Variants in PPARGC1B observed in about 807,000 individuals in gnomAD.
PPARGC1B encodes peroxisome proliferator-activated receptor gamma coactivator 1-beta.
PPARGC1B carries 34 observed loss-of-function variants against 101.6 expected under a neutral mutation model. That is an observed-to-expected ratio of 0.33 (90% CI 0.25 to 0.45). The LOEUF is 0.45. Ranked by LOEUF, PPARGC1B falls within the 20% of genes least tolerant of loss-of-function variation. The pLI, the probability that PPARGC1B is intolerant of heterozygous loss-of-function variation, is 1.00. For synonymous variants in PPARGC1B, 548 were observed against 539.3 expected, an observed-to-expected ratio of 1.02 and a Z score of -0.22; for missense variants, 1,234 against 1,317.6, an observed-to-expected ratio of 0.94 and a Z score of 0.98.
chr5:149,805,651 G>C (rs1289669704), intron 1 of PPARGC1B, among the ~76,000 whole-genome samples: 2 of 152,192 alleles, frequency 1.3e-5, no homozygotes, highest in Middle Eastern at 6.3e-3. Flanking sequence ...TGTTGGCCAG[G>C]CTGGTCTCGA....
At chr5:149,835,480 C>A in intron 7 of PPARGC1B, 115 bp downstream of exon 7, 1 of 893,060 alleles carries the variant, frequency 1.1e-6, no homozygotes, top group Non-Finnish European at 1.8e-6. Context: ...AAGATGCCTG[C>A]CTTCACGGGG....
chr5:149,738,588 C>A (rs951911562), intron 1 of PPARGC1B, among the ~76,000 whole-genome samples: 2 of 151,716 alleles, frequency 1.3e-5, no homozygotes, highest in African/African-American at 4.8e-5. Flanking sequence ...CTCTTGAAAG[C>A]CTGCCCTCTC....
rs112490213 is a variant in PPARGC1B at position 149,806,442 on chromosome 5, A to C, written c.79-13991A>C. 2.8e-3 allele frequency among the ~76,000 whole-genome samples: 426 copies of C among 152,264 alleles called. 2 individuals are homozygous for C. Among genetic ancestry groups the C allele is most frequent in the African/African-American group, 9.7e-3 (404 of 41,544 alleles). ...TGGGTTATTTATAACAGTGTTTACA[A>C]GAAAAAGGGCTTCTCAGCTGAGCCC... On this transcript the variant is annotated intron_variant, in intron 1 of 11. Coordinates refer to ENST00000309241, the MANE Select transcript of PPARGC1B (RefSeq NM_133263.4).
chr5:149,784,589 G>A (rs1416817067), intron 1 of PPARGC1B, among the ~76,000 whole-genome samples: 21 of 101,268 alleles, frequency 2.1e-4, no homozygotes, highest in Non-Finnish European at 3.8e-4. Context: ...TTTTTCTGAG[G>A]TGGAGTCTCG....
Position 149,832,990 on chromosome 5 carries a change from C to T in PPARGC1B, c.917C>T (p.Pro306Leu). 1 of 1,613,580 alleles carries T rather than the reference C, an allele frequency of 6.2e-7. No individual in the cohort carries two copies. Among genetic ancestry groups the T allele is most frequent in the Non-Finnish European group, 8.5e-7 (1 of 1,180,028 alleles). Residue 306 changes from proline (P) to leucine (L), a missense_variant, in exon 5 of 12, where the codon CCA becomes CTA. This residue lies in a region of PPARGC1B where 734 missense variants were observed against 768.4 expected (regional missense o/e 0.96). Coordinates refer to ENST00000309241, the MANE Select transcript of PPARGC1B (RefSeq NM_133263.4). This position sits in a 1 kb window ranked among gnomAD's most constrained non-coding sequence, Gnocchi z 4.9. Reference sequence around the variant, plus strand: ...TGCCTCCCCCAGAGGAAGCTGCCCCCACAGACCCCTGAGCCACTCCCCAAG... The same window carrying T: ...TGCCTCCCCCAGAGGAAGCTGCCCCTACAGACCCCTGAGCCACTCCCCAAG... ...TYCLPQRKLP[P>L]QTPEPLPKAC...
At chr5:149,821,090 G>A (rs1228022483) in intron 2 of PPARGC1B, among the ~76,000 whole-genome samples, 1 of 152,198 alleles carries the variant, frequency 6.6e-6, no homozygotes, top group African/African-American at 2.4e-5. Flanking sequence ...GGGACTTTAC[G>A]ACCATGATGA....
intron 1 of PPARGC1B, among the ~76,000 whole-genome samples, chr5:149,810,082 C>T (rs1391918275): frequency 6.6e-6 from 1 of 152,176 alleles, no homozygotes; most frequent in African/African-American, 2.4e-5. Flanking sequence ...CTGTAACTAG[C>T]AAGTTATGAG....
In PPARGC1B at chr5:149,820,531, G is replaced by C. The variant is rs916823612; in HGVS notation, c.177G>C (p.Gly59=). ...ASDFDSATCF[G]ELQWCPENSE... ...ACTTTGACTCGGCCACCTGCTTTGGGGAGCTGCAGTGGTGCCCAGAGAACT... is the reference window on the plus strand; with the variant it reads ...ACTTTGACTCGGCCACCTGCTTTGGCGAGCTGCAGTGGTGCCCAGAGAACT... Residue 59 remains glycine, a synonymous_variant, in exon 2 of 12, where the codon GGG becomes GGC. Coordinates refer to ENST00000309241, the MANE Select transcript of PPARGC1B (RefSeq NM_133263.4). 6.2e-7 allele frequency: 1 copy of C among 1,613,888 alleles called. No individual in the cohort carries two copies. The highest frequency in any genetic ancestry group is 1.3e-5 in the African/African-American group (1 of 74,890).
At chr5:149,742,735 T>C (rs919591128) in intron 1 of PPARGC1B, among the ~76,000 whole-genome samples, 1 of 152,180 alleles carries the variant, frequency 6.6e-6, no homozygotes, top group Non-Finnish European at 1.5e-5. Context: ...AGAATTTCAG[T>C]GACTTCCCCA....
chr5:149,731,978 G>A (rs1051502801), intron 1 of PPARGC1B, among the ~76,000 whole-genome samples: 2 of 152,170 alleles, frequency 1.3e-5, no homozygotes, highest in African/African-American at 2.4e-5. Context: ...AGGCCGGAGG[G>A]GCTAGTGGCG....
chr5:149,826,980 C>T (rs1017428305), intron 3 of PPARGC1B, 95 bp downstream of exon 3: 3 of 953,242 alleles, frequency 3.1e-6, no homozygotes, highest in Non-Finnish European at 4.8e-6. Context: ...TCCAGCCCCG[C>T]AGGGGACTCC....
intron 1 of PPARGC1B, among the ~76,000 whole-genome samples, chr5:149,737,441 T>C (rs1124995): frequency 0.81 from 123,532 of 152,088 alleles, 50,310 homozygotes; most frequent in South Asian, 0.9. Flanking sequence ...TTTCTGTGTC[T>C]TCCTTCTCCA....
chr5:149,823,933 C>T (rs1330627635), intron 2 of PPARGC1B, among the ~76,000 whole-genome samples: 2 of 152,154 alleles, frequency 1.3e-5, no homozygotes, highest in Middle Eastern at 3.2e-3. Context: ...TTAGTCCTAC[C>T]CCTGACTCAC....
intron 1 of PPARGC1B, among the ~76,000 whole-genome samples, chr5:149,795,323 A>G (rs546335829): frequency 6.6e-6 from 1 of 152,302 alleles, no homozygotes; most frequent in South Asian, 2.1e-4. Context: ...TCACCTGTAA[A>G]ATGGAGATAA....
intron 1 of PPARGC1B, among the ~76,000 whole-genome samples, chr5:149,780,123 C>T (rs181508440): frequency 1.5e-3 from 227 of 152,302 alleles, no homozygotes; most frequent in Non-Finnish European, 2.6e-3. Context: ...CCTGTTTCTG[C>T]TGCAGGGTCT....
chr5:149,758,085 G>T (rs1367682698), intron 1 of PPARGC1B, among the ~76,000 whole-genome samples: 2 of 152,214 alleles, frequency 1.3e-5, no homozygotes, highest in African/African-American at 4.8e-5. Context: ...CACACAGAGC[G>T]CTGTCTGTGG....
At chr5:149,856,827 A>G (rs1266980738), downstream of PPARGC1B, among the ~76,000 whole-genome samples, 2 of 148,080 alleles carry the variant, frequency 1.4e-5, no homozygotes, top group Admixed American at 6.8e-5. Context: ...CTGGAGTGCA[A>G]TGGTGCAATC....
At chr5:149,838,244 A>G (rs865929565) in intron 8 of PPARGC1B, among the ~76,000 whole-genome samples, 22 of 152,210 alleles carry the variant, frequency 1.4e-4, no homozygotes, top group Non-Finnish European at 1.0e-4. Flanking sequence ...TAAAATGTGC[A>G]TACACATCTA....
intron 1 of PPARGC1B, among the ~76,000 whole-genome samples, chr5:149,819,762 C>T (rs150405463): frequency 0.017 from 2,637 of 152,322 alleles, 83 homozygotes; most frequent in African/African-American, 0.06. Context: ...CTTGGCCTCT[C>T]AAATTGTTGG....
Sources: gnomAD v4.1 joint callset for allele counts (sites outside exome capture counted in the v4.1 genomes callset) on GRCh38, gnomAD v4.1.1 for gene constraint, gnomAD v4.1.1 regional missense constraint, Gnocchi (gnomAD v3.1) non-coding constraint, MANE v1.5 for transcripts, NCBI Gene and HGNC (gene_info 2026-07-23, HGNC 2026-07-21) for gene names.